KCNH6: variants seen among roughly 807,000 people sequenced by gnomAD.
The protein encoded by KCNH6 is voltage-gated inwardly rectifying potassium channel KCNH6.
KCNH6 carries 81 observed loss-of-function variants against 83.4 expected under a neutral mutation model. That is an observed-to-expected ratio of 0.97 (90% confidence interval 0.81 to 1.17). The LOEUF is 1.17. Ranked by LOEUF, KCNH6 falls within the 50% of genes most tolerant of loss-of-function variation. KCNH6 has a pLI of 0.00. For missense variants in KCNH6, 1,203 were observed against 1,290.5 expected (o/e 0.93, Z 1.04); for synonymous variants, 503 against 545.6 (o/e 0.92, Z 1.09).
chr17:63,545,836 TC>T lies in KCNH6; in HGVS notation c.2814del (p.Lys939SerfsTer69). On this transcript the variant is annotated frameshift_variant, in exon 13 of 13. Transcript: ENST00000314672. LOFTEE classifies it high-confidence loss of function. ...CCCTCCCTGAACACCTTGGCTCTGT[TC>T]CCAAGCAGCTGGACTTCCAGAGACA... ...SSLPEHLGSV[P>X]KQLDFQRHGS... The T allele has an allele frequency of 6.2e-7, 1 of 1,614,072 alleles. No individual in the cohort carries two copies. Among genetic ancestry groups the T allele is most frequent in the Non-Finnish European group, 8.5e-7 (1 of 1,180,016 alleles).
At position 63,538,140 on chromosome 17, in the gene KCNH6, A is replaced by G. The variant is rs150544337; in HGVS notation, c.1577A>G (p.His526Arg). The stretch of plus-strand genomic sequence containing the variant: ...CTGTACTCGGGCACCGCGCGCTACC[A>G]CACGCAGATGCTGCGTGTCAAGGAG... ...QRLYSGTARY[H>R]TQMLRVKEFI... is the part of the protein sequence containing the mutation. Residue 526 changes from histidine to arginine, a missense_variant, in exon 7 of 13, where the codon CAC (histidine) becomes CGC (arginine). Coordinates refer to ENST00000314672, the MANE Select transcript of KCNH6 (RefSeq NM_001278919.2). The surrounding 1 kb of genome is among the most constrained non-coding windows in gnomAD (Gnocchi z 4.0). The G allele has an allele frequency of 9.9e-6, 16 of 1,613,940 alleles. No individual in the cohort carries two copies. The highest frequency in any genetic ancestry group is 1.4e-5 in the Non-Finnish European group (16 of 1,179,990).
rs1214080437 is a variant in KCNH6 at position 63,538,326 on chromosome 17, CG to C, written c.1701+66del. On this transcript the variant is annotated intron_variant, in intron 7 of 12. Coordinates refer to ENST00000314672, the MANE Select transcript of KCNH6 (RefSeq NM_001278919.2). The surrounding 1 kb of genome is among the most constrained non-coding windows in gnomAD (Gnocchi z 4.0). The stretch of plus-strand genomic sequence containing the variant: ...GGGGGGAGCCAAGATCCTGCGGGGG[CG>C]GGGCGTCCCCAGAGCCCTCACCACC... 1.2e-6 allele frequency: 2 copies of C among 1,607,870 alleles called. No individual in the cohort carries two copies. The highest frequency in any genetic ancestry group is 1.7e-6 in the Non-Finnish European group (2 of 1,176,988).
At chr17:63,536,503 G>A (rs1429555604) in intron 6 of KCNH6, among the ~76,000 whole-genome samples, 1 of 152,184 alleles carries the variant, frequency 6.6e-6, no homozygotes, top group Non-Finnish European at 1.5e-5. Flanking sequence ...AATTAGCCAG[G>A]TGTGGTGGCA....
intron 2 of KCNH6, among the ~76,000 whole-genome samples, chr17:63,529,098 G>A (rs984961328): frequency 1.3e-5 from 2 of 152,204 alleles, no homozygotes; most frequent in East Asian, 1.9e-4. Flanking sequence ...GCCTCCCAAA[G>A]TGCTGGGATT....
At position 63,538,936 on chromosome 17, in the gene KCNH6, T is replaced by C. The variant is rs2032705068; in HGVS notation, c.1954+274T>C. ...GGCAGGGATTCCAGGGCTGCCAGTG[T>C]GACTCAGAAGCCCAGGCAGGTCTTC... On this transcript the variant is annotated intron_variant, in intron 8 of 12. Coordinates refer to ENST00000314672, the MANE Select transcript of KCNH6 (RefSeq NM_001278919.2). The surrounding 1 kb of genome is among the most constrained non-coding windows in gnomAD (Gnocchi z 4.0). Among the ~76,000 whole-genome samples the C allele has an allele frequency of 6.6e-6, 1 of 152,116 alleles. No homozygotes were observed. Among genetic ancestry groups the C allele is most frequent in the Non-Finnish European group, 1.5e-5 (1 of 68,012 alleles).
At chr17:63,539,373 C>T (rs934341674) in intron 8 of KCNH6, among the ~76,000 whole-genome samples, 1 of 152,132 alleles carries the variant, frequency 6.6e-6, no homozygotes, top group African/African-American at 2.4e-5. Context: ...CTGCTCTCCT[C>T]GCCCCTCCTC....
At chr17:63,524,478 C>G in intron 2 of KCNH6, 109 bp downstream of exon 2, 2 of 836,098 alleles carry the variant, frequency 2.4e-6, no homozygotes, top group Non-Finnish European at 3.8e-6. Context: ...AGGGCCTGAA[C>G]AAACCCTGTT....
chr17:63,530,385 G>A lies in KCNH6; in HGVS notation c.518G>A (p.Gly173Asp), dbSNP rs747051577. 1.9e-6 allele frequency: 3 copies of A among 1,614,206 alleles called. No homozygotes were observed. Among genetic ancestry groups the A allele is most frequent in the South Asian group, 1.1e-5 (1 of 91,088 alleles). The change falls in exon 4 of 13, where the codon GGC becomes GAC. Residue 173 changes from glycine (G) to aspartate (D), a missense_variant. Transcript: ENST00000314672. The stretch of plus-strand genomic sequence containing the variant: ...GGACCAGGGCCAGGCACAGGCAGGG[G>A]CAAGTACAGGACCATCAGCCAGATC... ...PGGPGPGTGRGKYRTISQIPQ... is the reference protein window; with the variant it reads ...PGGPGPGTGRDKYRTISQIPQ...
In KCNH6 at chr17:63,535,205, C is replaced by T. The variant is rs1197630697; in HGVS notation, c.1102-464C>T. ...CTGCCCGCCCTGCCCTTCCCAGGCA[C>T]GGCTCTCACTGCTCCTCCATCTCCC... On this transcript the variant is annotated intron_variant, in intron 5 of 12. Transcript: ENST00000314672. This position sits in a 1 kb window ranked among gnomAD's most constrained non-coding sequence, Gnocchi z 4.9. Among the ~76,000 whole-genome samples, 3 of 152,228 alleles carry T rather than the reference C, an allele frequency of 2.0e-5. No individual in the cohort carries two copies. The highest frequency in any genetic ancestry group is 2.9e-5 in the Non-Finnish European group (2 of 68,036).
intron 10 of KCNH6, 139 bp from the exon 11 acceptor site, chr17:63,544,110 G>C (rs1179525192): frequency 6.2e-7 from 1 of 1,608,534 alleles, no homozygotes; most frequent in Non-Finnish European, 8.5e-7. Context: ...TTGTGCTCCA[G>C]GGCACCCAGG....
In KCNH6 at chr17:63,524,231, G is replaced by C; in HGVS notation, c.169G>C (p.Val57Leu). The C allele has an allele frequency of 6.2e-7, 1 of 1,614,174 alleles. No individual in the cohort carries two copies. The highest frequency in any genetic ancestry group is 8.5e-7 in the Non-Finnish European group (1 of 1,180,036). ...CTGCGAACTCTTCGGCTACTCCCGA[G>C]TGGAGGTGATGCAGCAACCCTGCAC... ...GFCELFGYSR[V>L]EVMQQPCTCD... The change falls in exon 2 of 13, where the codon GTG (valine) becomes CTG (leucine). Residue 57 changes from valine to leucine, a missense_variant. Physicochemically the swap from Val to Leu is conservative, Grantham distance 32. Coordinates refer to ENST00000314672, the MANE Select transcript of KCNH6 (RefSeq NM_001278919.2).
rs573660752 is a variant in KCNH6, at chr17:63,531,630, G to A, written c.675+1088G>A. ...TCAAGGATCCTGAGGAGGGTGGGAC[G>A]CCAGGCTGCAGGACTGTGTCCTCTG... On this transcript the variant is annotated intron_variant, in intron 4 of 12. Transcript: ENST00000314672. 4.6e-5 allele frequency among the ~76,000 whole-genome samples: 7 copies of A among 152,334 alleles called. No homozygotes were observed. In the East Asian group the frequency reaches 7.7e-4, roughly 17 times the overall value.
chr17:63,525,563 C>A (rs2031653246), intron 2 of KCNH6, among the ~76,000 whole-genome samples: 1 of 152,094 alleles, frequency 6.6e-6, no homozygotes, highest in Non-Finnish European at 1.5e-5. Context: ...GTGTGTGAAA[C>A]ATGAGCATGT....
rs748850500 is a variant in KCNH6 at position 63,524,333 on chromosome 17, G to T, written c.271G>T (p.Glu91Ter). 2 of 1,613,864 alleles carry T rather than the reference G, an allele frequency of 1.2e-6. No individual in the cohort carries two copies. The highest frequency in any genetic ancestry group is 2.2e-5 in the South Asian group (2 of 91,078). The change falls in exon 2 of 13, where the codon GAG becomes TAG. Residue 91 changes from glutamate (E) to a stop codon, truncating the protein, a stop_gained. Transcript: ENST00000314672. LOFTEE classifies it high-confidence loss of function. ...AGCGCAGGCCCTGCTGGGGGCTGAG[G>T]AGTGCAAGGTGGACATCCTCTACTA... ...RLAQALLGAE[E>*]CKVDILYYRK...
intron 2 of KCNH6, among the ~76,000 whole-genome samples, chr17:63,525,588 G>A (rs1319035056): frequency 6.6e-6 from 1 of 152,130 alleles, no homozygotes; most frequent in African/African-American, 2.4e-5. Context: ...GCTTGCATGT[G>A]TGTGCCTCTG....
At position 63,530,267 on chromosome 17, in the gene KCNH6, G is replaced by A. The variant is rs1288521588; in HGVS notation, c.469+15G>A. 2.5e-6 allele frequency: 4 copies of A among 1,613,862 alleles called. No individual in the cohort carries two copies. In the East Asian group the frequency reaches 8.9e-5, roughly 36 times the overall value. On this transcript the variant is annotated intron_variant, in intron 3 of 12. Transcript: ENST00000314672. ...CCTGGGCTCCGGTGAGGCAGAGTGA[G>A]GGTGGTGGTGGGAGGGACGCATGAG...
At chr17:63,540,603 T>C (rs2032801053) in intron 8 of KCNH6, among the ~76,000 whole-genome samples, 1 of 152,122 alleles carries the variant, frequency 6.6e-6, no homozygotes, top group African/African-American at 2.4e-5. Flanking sequence ...CATTATAATG[T>C]TGCCCAGATT....
downstream of KCNH6, among the ~76,000 whole-genome samples, chr17:63,548,203 T>C (rs1315597387): frequency 2.6e-5 from 4 of 151,856 alleles, no homozygotes; most frequent in Non-Finnish European, 4.4e-5. Flanking sequence ...GAGGTGGAGC[T>C]TGTAGTGAGC....
chr17:63,524,024 C>T, intron 1 of KCNH6, 115 bp from the exon 2 acceptor site: 1 of 762,626 alleles, frequency 1.3e-6, no homozygotes, highest in Non-Finnish European at 2.3e-6. Flanking sequence ...CCGGTCACTG[C>T]CCTGCTCCTC....
Sources: allele counts gnomAD v4.1 joint callset (sites outside exome capture counted in the v4.1 genomes callset), GRCh38; gene constraint gnomAD v4.1.1; non-coding constraint Gnocchi (gnomAD v3.1); transcripts MANE v1.5; gene names NCBI Gene and HGNC (gene_info 2026-07-23, HGNC 2026-07-21).